The following TSPEAR variants were observed in gnomAD, a reference collection of about 807,000 sequenced individuals.
TSPEAR encodes thrombospondin-type laminin G domain and EAR repeat-containing protein.
A neutral mutation model predicts 71.6 loss-of-function variants in TSPEAR; 69 were observed. That is an observed-to-expected ratio of 0.96 (90% CI 0.79 to 1.18). The LOEUF is 1.18. TSPEAR is among the 50% of genes most tolerant of loss of function. TSPEAR has a pLI of 0.00. For synonymous variants in TSPEAR, 402 were observed against 387.2 expected (o/e 1.04, Z -0.45); for missense variants, 971 against 894.9 (o/e 1.09, Z -1.09).
In TSPEAR at chr21:44,525,652, C is replaced by A. The variant is rs1555914825; in HGVS notation, c.1336+1G>T. 2 of 1,613,974 alleles carry A rather than the reference C, an allele frequency of 1.2e-6. No homozygotes were observed. Among genetic ancestry groups the A allele is most frequent in the Admixed American group, 3.3e-5 (2 of 60,008 alleles). On this transcript the variant is annotated splice_donor_variant, in intron 8 of 11. Transcript: ENST00000323084. LOFTEE classifies it high-confidence loss of function. ...CGGTGTGAAGGCCACTCCTGCCCTA[C>A]CTTCCCGGTGGTTGGCCACCGCCAG...
At chr21:44,537,420 A>G (rs587664707) in intron 2 of TSPEAR, among the ~76,000 whole-genome samples, 11 of 152,366 alleles carry the variant, frequency 7.2e-5, no homozygotes, top group African/African-American at 2.6e-4. Context: ...ATGAAGCTGA[A>G]TAACATGGAT....
intron 1 of TSPEAR, among the ~76,000 whole-genome samples, chr21:44,584,511 A>C (rs1252971740): frequency 6.6e-6 from 1 of 152,240 alleles, no homozygotes; most frequent in African/African-American, 2.4e-5. Context: ...ACTGTCTTCC[A>C]TAATGGCTGC....
intron 1 of TSPEAR, among the ~76,000 whole-genome samples, chr21:44,647,871 C>A (rs1601527499): frequency 6.6e-6 from 1 of 152,236 alleles, no homozygotes; most frequent in South Asian, 2.1e-4. Flanking sequence ...CCAAGCTGAG[C>A]CAGGGAGGGG....
chr21:44,583,183 TCTGAGTGAG>T (rs1384941780), intron 1 of TSPEAR, among the ~76,000 whole-genome samples: 1 of 15,540 alleles, frequency 6.4e-5, no homozygotes, highest in Non-Finnish European at 2.8e-4. Flanking sequence ...ACTCTGGGGA[TCTGAGTGAG>T]CTGAGCTGCA....
intron 8 of TSPEAR, among the ~76,000 whole-genome samples, chr21:44,522,621 C>A (rs1054619103): frequency 3.9e-5 from 6 of 152,248 alleles, no homozygotes; most frequent in Non-Finnish European, 5.9e-5. Context: ...CAGACCCAGG[C>A]CGGCTCGTGG....
chr21:44,601,738 A>G (rs1555928909), intron 1 of TSPEAR: 3 of 1,608,152 alleles, frequency 1.9e-6, no homozygotes, highest in Non-Finnish European at 8.5e-7. Flanking sequence ...CTGCTGAGTG[A>G]TCTCCTTAAG....
chr21:44,525,786 A>C lies in TSPEAR; in HGVS notation c.1203T>G (p.Ser401=). The change falls in exon 8 of 12, where the codon TCT becomes TCG. Residue 401 remains serine, a synonymous_variant. Transcript: ENST00000323084. ...FEPDEKGQEF[S]VIYKWSHRKL... ...TTCTGTGGCTCCATTTGTAAATGAC[A>C]GAGAACTCCTGACCCTTCTCATCTG... 6.2e-7 allele frequency: 1 copy of C among 1,614,188 alleles called. No individual in the cohort carries two copies. Among genetic ancestry groups the C allele is most frequent in the Admixed American group, 1.7e-5 (1 of 60,032 alleles).
At position 44,697,681 on chromosome 21, in the gene TSPEAR, C is replaced by A. The variant is rs782105198; in HGVS notation, c.82+13752G>T. On this transcript the variant is annotated intron_variant, in intron 1 of 11. Coordinates refer to ENST00000323084, the MANE Select transcript of TSPEAR (RefSeq NM_144991.3). Reference sequence around the variant, plus strand: ...GTGTGCCCGTCTGCTGCAAGCCCATCTGCTGTGTGCCTGTCTGCTCTGGGG... The same window carrying A: ...GTGTGCCCGTCTGCTGCAAGCCCATATGCTGTGTGCCTGTCTGCTCTGGGG... 5.0e-6 allele frequency: 8 copies of A among 1,613,124 alleles called. No homozygotes were observed. In the South Asian group the frequency reaches 8.8e-5, roughly 18 times the overall value.
rs902938876 is a variant in TSPEAR at position 44,506,877 on chromosome 21, A to G, written c.1755-1996T>C. 2.5e-4 allele frequency: 38 copies of G among 152,140 alleles called. No homozygotes were observed. Among genetic ancestry groups the G allele is most frequent in the Admixed American group, 2.0e-3 (31 of 15,278 alleles). 9.4% of individuals were successfully genotyped at this position (152,140 alleles called of 1,614,324 possible). A position where few individuals can be genotyped will look rare whatever the true frequency, so the allele number is the denominator to read the frequency against. On this transcript the variant is annotated intron_variant, in intron 10 of 11. Transcript: ENST00000323084. This position sits in a 1 kb window ranked among gnomAD's most constrained non-coding sequence, Gnocchi z 4.2. ...CACATCAGAAGCCGGCTTCGGTTTC[A>G]CCACAAAATAAGGCATCTAGTGCCC...
Position 44,546,745 on chromosome 21 carries a change from C to T in TSPEAR, c.304-12822G>A, listed in dbSNP as rs1174679784. Reference sequence around the variant, plus strand: ...AATATGTCATCCCAATGCCTCTGGCCTCCATGGTTTCTGATGAGAAATTCG... The same window carrying T: ...AATATGTCATCCCAATGCCTCTGGCTTCCATGGTTTCTGATGAGAAATTCG... On this transcript the variant is annotated intron_variant, in intron 2 of 11. Transcript: ENST00000323084. This position sits in a 1 kb window ranked among gnomAD's most constrained non-coding sequence, Gnocchi z 4.4. 6.6e-6 allele frequency among the ~76,000 whole-genome samples: 1 copy of T among 152,188 alleles called. No individual in the cohort carries two copies. The highest frequency in any genetic ancestry group is 1.5e-5 in the Non-Finnish European group (1 of 68,036).
chr21:44,539,299 G>A (rs1343372248), intron 2 of TSPEAR: 10 of 1,607,946 alleles, frequency 6.2e-6, no homozygotes, highest in Non-Finnish European at 8.5e-6. Context: ...CTGAGCAGAG[G>A]CCTCAGCAGG....
At chr21:44,569,372 G>A (rs587708721) in intron 1 of TSPEAR, among the ~76,000 whole-genome samples, 1 of 152,350 alleles carries the variant, frequency 6.6e-6, no homozygotes, top group South Asian at 2.1e-4. Flanking sequence ...AACCGGATGT[G>A]ACGCAGACGT....
intron 1 of TSPEAR, among the ~76,000 whole-genome samples, chr21:44,708,359 C>CA (rs1469493568): frequency 6.6e-6 from 1 of 152,092 alleles, no homozygotes; most frequent in Non-Finnish European, 1.5e-5. Flanking sequence ...CACAGCCTTC[C>CA]AGGAGCGGAC....
intron 1 of TSPEAR, chr21:44,575,511 G>A: frequency 6.0e-6 from 1 of 166,578 alleles, no homozygotes; most frequent in South Asian, 1.5e-4. Flanking sequence ...GTCCAGGCTA[G>A]ACGGACATGG....
intron 1 of TSPEAR, chr21:44,658,168 C>A: frequency 6.2e-7 from 1 of 1,614,186 alleles, no homozygotes; most frequent in Non-Finnish European, 8.5e-7. Context: ...GCAGGCCCAT[C>A]ATATATGTGA....
chr21:44,518,379 C>G, intron 9 of TSPEAR: 1 of 435,830 alleles, frequency 2.3e-6, no homozygotes, highest in East Asian at 7.1e-5. Context: ...GGTGCAGTGT[C>G]GTGAAGAAGA....
intron 1 of TSPEAR, chr21:44,666,753 C>A: frequency 6.2e-7 from 1 of 1,614,116 alleles, no homozygotes; most frequent in Non-Finnish European, 8.5e-7. Context: ...CACGGGCACA[C>A]ACACGGAGGA....
intron 1 of TSPEAR, among the ~76,000 whole-genome samples, chr21:44,692,416 A>G (rs1326494732): frequency 6.6e-6 from 1 of 152,184 alleles, no homozygotes. Context: ...AAGAAGTAAA[A>G]TTATTTCTAT....
rs782706866 is a variant in TSPEAR, at chr21:44,540,020, G to C, written c.304-6097C>G. The C allele has an allele frequency of 4.5e-5, 73 of 1,612,946 alleles. No individual in the cohort carries two copies. In the East Asian group the frequency reaches 9.8e-4, roughly 22 times the overall value. ...ACGGCTCACTGGGGTGCAGACCAGG[G>C]TCAGGCAGGGGGCCGGGGCGCAGCA... is the stretch of plus-strand genomic sequence containing the variant. On this transcript the variant is annotated intron_variant, in intron 2 of 11. Coordinates refer to ENST00000323084, the MANE Select transcript of TSPEAR (RefSeq NM_144991.3).
Sources: gnomAD v4.1 joint callset for allele counts (sites outside exome capture counted in the v4.1 genomes callset) on GRCh38, gnomAD v4.1.1 for gene constraint, Gnocchi (gnomAD v3.1) non-coding constraint, MANE v1.5 for transcripts, NCBI Gene and HGNC (gene_info 2026-07-23, HGNC 2026-07-21) for gene names.